Variants in NETO2 observed in about 807,000 individuals in gnomAD.
NETO2 encodes neuropilin and tolloid like 2, also known as neuropilin and tolloid-like protein 2.
NETO2 carries 28 observed loss-of-function variants against 62.5 expected under a neutral mutation model. The ratio of observed to expected loss-of-function variants is 0.45; its 90% confidence interval spans 0.33 to 0.61. The LOEUF is 0.61. Ranked by LOEUF, NETO2 falls within the 20% of genes least tolerant of loss-of-function variation. The pLI is 0.02. For missense variants in NETO2, 548 were observed against 643.2 expected, an observed-to-expected ratio of 0.85 and a Z score of 1.60; for synonymous variants, 214 against 219.1, an observed-to-expected ratio of 0.98 and a Z score of 0.21.
chr16:47,139,304 C>T (rs1964420122), intron 1 of NETO2, among the ~76,000 whole-genome samples: 2 of 152,154 alleles, frequency 1.3e-5, no homozygotes, highest in Admixed American at 1.3e-4. Flanking sequence ...CACATGTGAC[C>T]TTGCTTTTTT....
chr16:47,124,924 T>C (rs1187187747), intron 4 of NETO2, among the ~76,000 whole-genome samples: 1 of 152,240 alleles, frequency 6.6e-6, no homozygotes, highest in African/African-American at 2.4e-5. Context: ...TTATTATACT[T>C]TGTCTATATT....
chr16:47,087,838 C>T (rs541923096), intron 7 of NETO2, among the ~76,000 whole-genome samples: 18 of 152,202 alleles, frequency 1.2e-4, no homozygotes, highest in African/African-American at 3.1e-4. Flanking sequence ...GGTAGCCAGT[C>T]GCTCCTGTGT....
intron 7 of NETO2, among the ~76,000 whole-genome samples, chr16:47,107,714 T>G (rs1249311503): frequency 3.3e-5 from 5 of 152,196 alleles, no homozygotes; most frequent in Admixed American, 3.3e-4. Flanking sequence ...GGAGGCAAAC[T>G]GAAGGAGCTT....
chr16:47,090,307 G>GT (rs1963286022), intron 7 of NETO2, among the ~76,000 whole-genome samples: 1 of 152,184 alleles, frequency 6.6e-6, no homozygotes, highest in Non-Finnish European at 1.5e-5. Flanking sequence ...TCATAGAAAT[G>GT]TGAGTTATAT....
intron 1 of NETO2, among the ~76,000 whole-genome samples, chr16:47,138,743 A>C (rs1310445201): frequency 1.3e-5 from 2 of 152,224 alleles, no homozygotes; most frequent in Non-Finnish European, 2.9e-5. Context: ...AGCCTTGCTT[A>C]AAATCTTCCA....
Position 47,114,954 on chromosome 16 carries a change from T to C in NETO2, c.655-5243A>G, listed in dbSNP as rs529056244. ...CTCAACAGGTGAGGGTTCATTTTTT[T>C]TTTCTTTGAATATGGAGGTTCAATT... On this transcript the variant is annotated intron_variant, in intron 6 of 8. Transcript: ENST00000562435. Among the ~76,000 whole-genome samples the C allele has an allele frequency of 2.0e-5, 3 of 152,314 alleles. No homozygotes were observed. In the East Asian group the frequency reaches 5.8e-4, roughly 29 times the overall value.
chr16:47,135,310 C>T (rs1596750525), intron 1 of NETO2, among the ~76,000 whole-genome samples: 2 of 152,090 alleles, frequency 1.3e-5, no homozygotes, highest in Non-Finnish European at 2.9e-5. Flanking sequence ...CCACTGTTTC[C>T]TCTTACCAAA....
intron 2 of NETO2, among the ~76,000 whole-genome samples, chr16:47,129,863 A>G (rs1343863183): frequency 1.3e-5 from 2 of 152,240 alleles, no homozygotes; most frequent in African/African-American, 4.8e-5. Context: ...TTAAAAGGGT[A>G]TAAACTCTTA....
rs536842188 is a variant in NETO2 at position 47,079,689 on chromosome 16, A to G, written c.*3532T>C. On this transcript the variant is annotated 3_prime_UTR_variant, in exon 9 of 9. Coordinates refer to ENST00000562435, the MANE Select transcript of NETO2 (RefSeq NM_018092.5). The stretch of plus-strand genomic sequence containing the variant: ...GTCTTCTCATTCATACACTTGGGCT[A>G]GATAGGTCTTTCTTGGATCTTTAAA... 6.6e-6 allele frequency: 1 copy of G among 152,382 alleles called. No homozygotes were observed. Among genetic ancestry groups the G allele is most frequent in the East Asian group, 1.9e-4 (1 of 5,182 alleles). 9.4% of individuals were successfully genotyped at this position (152,382 alleles called of 1,614,324 possible).
chr16:47,129,576 G>A (rs112081636), intron 2 of NETO2, among the ~76,000 whole-genome samples: 4 of 152,250 alleles, frequency 2.6e-5, no homozygotes, highest in Middle Eastern at 3.4e-3. Flanking sequence ...CCGTGTAAGA[G>A]AACAGGGAAA....
At chr16:47,091,431 G>A (rs906948885) in intron 7 of NETO2, among the ~76,000 whole-genome samples, 4 of 152,194 alleles carry the variant, frequency 2.6e-5, no homozygotes, top group African/African-American at 9.7e-5. Flanking sequence ...ATATAGACCA[G>A]TGCTGCCCAA....
At position 47,081,256 on chromosome 16, in the gene NETO2, GTATT is replaced by G. The variant is rs1326898381; in HGVS notation, c.*1961_*1964del. Reference sequence around the variant, plus strand: ...AAGATCATAGTTGTTGTTATATTAAGTATTTATTATGCTGTTCAAATGTTAGCTG... The same window carrying G: ...AAGATCATAGTTGTTGTTATATTAAGTATTATGCTGTTCAAATGTTAGCTG... On this transcript the variant is annotated 3_prime_UTR_variant, in exon 9 of 9. Transcript: ENST00000562435. 1 of 151,848 alleles carries G rather than the reference GTATT, an allele frequency of 6.6e-6. No homozygotes were observed. The highest frequency in any genetic ancestry group is 1.5e-5 in the Non-Finnish European group (1 of 67,898). The allele number at this position is 151,848 out of a possible 1,614,324, so 9.4% of individuals were successfully genotyped here.
intron 4 of NETO2, among the ~76,000 whole-genome samples, chr16:47,125,164 T>C (rs1329572098): frequency 1.3e-5 from 2 of 152,230 alleles, no homozygotes; most frequent in Non-Finnish European, 2.9e-5. Flanking sequence ...ATGACACTAA[T>C]GTTTCAATTA....
chr16:47,098,437 G>T (rs2143848141), intron 7 of NETO2, among the ~76,000 whole-genome samples: 1 of 152,214 alleles, frequency 6.6e-6, no homozygotes, highest in East Asian at 1.9e-4. Flanking sequence ...AGAGATTGAA[G>T]ATCAGTTTAA....
At chr16:47,115,734 T>TATATATATAC (rs1284230818) in intron 6 of NETO2, among the ~76,000 whole-genome samples, 1 of 142,522 alleles carries the variant, frequency 7.0e-6, no homozygotes, top group African/African-American at 2.7e-5. Context: ...TATATATACA[T>TATATATATAC]GTATATATAT....
rs1182828019 is a variant in NETO2 at position 47,083,354 on chromosome 16, C to T, written c.1445G>A (p.Ser482Asn). The change falls in exon 9 of 9, where the codon AGT becomes AAT. Residue 482 changes from serine (S) to asparagine (N), a missense_variant. Coordinates refer to ENST00000562435, the MANE Select transcript of NETO2 (RefSeq NM_018092.5). Reference sequence around the variant, plus strand: ...CTCATGTCCCTGTTTGAAAGTGTAACTACTTTTCTTGAAGGTGCTATTAAA... The same window carrying T: ...CTCATGTCCCTGTTTGAAAGTGTAATTACTTTTCTTGAAGGTGCTATTAAA... ...KTFNSTFKKS[S>N]YTFKQGHECP... The T allele has an allele frequency of 2.5e-6, 4 of 1,614,230 alleles. No individual in the cohort carries two copies. Among genetic ancestry groups the T allele is most frequent in the Admixed American group, 3.3e-5 (2 of 60,034 alleles).
rs1165372214 is a variant in NETO2 at position 47,080,423 on chromosome 16, A to G, written c.*2798T>C. On this transcript the variant is annotated 3_prime_UTR_variant, in exon 9 of 9. Coordinates refer to ENST00000562435, the MANE Select transcript of NETO2 (RefSeq NM_018092.5). ...GTGTAATGAATTCCACAAGATTGCT[A>G]AATTTCATGTCTTCTGTTATTAAAT... The G allele has an allele frequency of 6.6e-6, 1 of 152,238 alleles. No homozygotes were observed. Among genetic ancestry groups the G allele is most frequent in the African/African-American group, 2.4e-5 (1 of 41,464 alleles). The allele number at this position is 152,238 out of a possible 1,614,324, so 9.4% of individuals were successfully genotyped here. A position where few individuals can be genotyped will look rare whatever the true frequency, so the allele number is the denominator to read the frequency against.
chr16:47,140,210 A>C (rs1462687372), intron 1 of NETO2, among the ~76,000 whole-genome samples: 1 of 152,104 alleles, frequency 6.6e-6, no homozygotes, highest in Non-Finnish European at 1.5e-5. Context: ...TCCTCACAAA[A>C]GTTCCTCTGA....
At chr16:47,103,979 A>T (rs1216022419) in intron 7 of NETO2, among the ~76,000 whole-genome samples, 1 of 152,202 alleles carries the variant, frequency 6.6e-6, no homozygotes. Context: ...ACAGATACCC[A>T]ATTTCACTTC....
Sources: allele counts gnomAD v4.1 joint callset (sites outside exome capture counted in the v4.1 genomes callset), GRCh38; gene constraint gnomAD v4.1.1; transcripts MANE v1.5; gene names NCBI Gene and HGNC (gene_info 2026-07-23, HGNC 2026-07-21).